HMGA2: variants seen among roughly 807,000 people sequenced by gnomAD.
HMGA2 encodes the protein high mobility group protein HMGI-C.
Under a neutral mutation model 19.1 loss-of-function variants are expected in HMGA2, and 8 were observed. The observed-to-expected ratio is 0.42, with a 90% CI of 0.25 to 0.76. HMGA2 has a LOEUF of 0.76. HMGA2 is among the 30% of genes least tolerant of loss of function. The probability of loss-of-function intolerance (pLI) is 0.28; values close to 1 mark genes in which losing one functional copy is unlikely to be tolerated. For synonymous variants in HMGA2, 60 were observed against 48.8 expected, an observed-to-expected ratio of 1.23 and a Z score of -0.96; for missense variants, 109 against 136.3, an observed-to-expected ratio of 0.80 and a Z score of 1.00.
At position 65,829,915 on chromosome 12, in the gene HMGA2, AT is replaced by A. The variant is rs1212912282; in HGVS notation, c.198+1831del. ...ATTTTTAGTGACTCTAGTGACAGGC[AT>A]TTGTAAATGACCCCCCTACGCCGCT... is the stretch of plus-strand genomic sequence containing the variant. On this transcript the variant is annotated intron_variant, in intron 2 of 4. Coordinates refer to ENST00000403681, the MANE Select transcript of HMGA2 (RefSeq NM_003483.6). 7.9e-5 allele frequency among the ~76,000 whole-genome samples: 12 copies of A among 151,930 alleles called. 1 individual carries two copies. The highest frequency in any genetic ancestry group is 6.6e-4 in the Admixed American group (10 of 15,260).
Position 65,831,530 on chromosome 12 carries a change from T to C in HMGA2, c.198+3443T>C, listed in dbSNP as rs17101800. 8.3e-4 allele frequency among the ~76,000 whole-genome samples: 126 copies of C among 152,002 alleles called. 1 individual carries two copies. Among genetic ancestry groups the C allele is most frequent in the Non-Finnish European group, 1.4e-3 (95 of 67,756 alleles). On this transcript the variant is annotated intron_variant, in intron 2 of 4. Transcript: ENST00000403681. The stretch of plus-strand genomic sequence containing the variant: ...TATTTGTTCACCACCCTTTTGACTT[T>C]AGGTGTAATGGACAGATCTAGGAAG...
intron 3 of HMGA2, among the ~76,000 whole-genome samples, chr12:65,904,331 A>C (rs1317147288): frequency 6.6e-6 from 1 of 152,244 alleles, no homozygotes; most frequent in African/African-American, 2.4e-5. Context: ...GCTGCAGAGC[A>C]ATTCATTTTT....
At chr12:65,918,370 G>A (rs368633848) in intron 3 of HMGA2, among the ~76,000 whole-genome samples, 2 of 152,302 alleles carry the variant, frequency 1.3e-5, no homozygotes, top group East Asian at 1.9e-4. Context: ...TGGTTAGAAA[G>A]GGGAGATGTG....
chr12:65,913,759 G>A (rs1874947232), intron 3 of HMGA2, among the ~76,000 whole-genome samples: 1 of 152,174 alleles, frequency 6.6e-6, no homozygotes, highest in African/African-American at 2.4e-5. Flanking sequence ...CATCTGTCAG[G>A]TGGGGTTCAT....
chr12:65,939,224 C>T (rs1171381366), intron 3 of HMGA2, among the ~76,000 whole-genome samples: 1 of 152,172 alleles, frequency 6.6e-6, no homozygotes, highest in African/African-American at 2.4e-5. Context: ...TTATGCTCTG[C>T]TCAATGTTTG....
chr12:65,827,584 A>C (rs1001877601), intron 1 of HMGA2, among the ~76,000 whole-genome samples: 2 of 152,204 alleles, frequency 1.3e-5, no homozygotes, highest in Non-Finnish European at 2.9e-5. Flanking sequence ...AATATCTGTG[A>C]TGGTAGCTTC....
chr12:65,912,986 C>T (rs1046623989), intron 3 of HMGA2, among the ~76,000 whole-genome samples: 6 of 152,178 alleles, frequency 3.9e-5, no homozygotes, highest in Admixed American at 3.9e-4. Flanking sequence ...CAGGACCACT[C>T]TTAAATTCTT....
chr12:65,841,029 TAGTACTTCGA>T (rs1870973084), intron 3 of HMGA2, among the ~76,000 whole-genome samples: 1 of 152,182 alleles, frequency 6.6e-6, no homozygotes, highest in Non-Finnish European at 1.5e-5. Flanking sequence ...CAGCCTGCCC[TAGTACTTCGA>T]AGTCATTCAG....
At chr12:65,940,463 G>C (rs1432939572) in intron 3 of HMGA2, among the ~76,000 whole-genome samples, 1 of 152,052 alleles carries the variant, frequency 6.6e-6, no homozygotes, top group African/African-American at 2.4e-5. Flanking sequence ...CTTTTAAATT[G>C]TTATATTAAA....
intron 3 of HMGA2, among the ~76,000 whole-genome samples, chr12:65,936,013 A>T (rs1875880444): frequency 6.6e-6 from 1 of 152,180 alleles, no homozygotes; most frequent in South Asian, 2.1e-4. Context: ...GCTACAGGGA[A>T]TTCTCATACA....
intron 3 of HMGA2, among the ~76,000 whole-genome samples, chr12:65,872,212 C>T (rs538638647): frequency 6.6e-6 from 1 of 152,300 alleles, no homozygotes; most frequent in Non-Finnish European, 1.5e-5. Context: ...CCAGGGGACA[C>T]TTCTCAGTCC....
chr12:65,906,285 G>T (rs191630540), intron 3 of HMGA2, among the ~76,000 whole-genome samples: 351 of 152,326 alleles, frequency 2.3e-3, no homozygotes, highest in Non-Finnish European at 4.1e-3. Flanking sequence ...TCCTTTGGAA[G>T]TCTTGTGGGA....
intron 2 of HMGA2, among the ~76,000 whole-genome samples, chr12:65,837,263 A>G (rs1247590225): frequency 1.3e-5 from 2 of 152,186 alleles, no homozygotes; most frequent in African/African-American, 4.8e-5. Context: ...TCAGGGAGAT[A>G]CTATTTGGTG....
rs60786450 is a variant in HMGA2 at position 65,824,713 on chromosome 12, T to TTCTCTC, written c.-507_-502dup. ...CCAAGGCACTTTCAATCTCAATCTC[T>TTCTCTC]TCTCTCTCTCTCTCTCTCTCTCTCT... On this transcript the variant is annotated 5_prime_UTR_variant, in exon 1 of 5. Coordinates refer to ENST00000403681, the MANE Select transcript of HMGA2 (RefSeq NM_003483.6). 1,329 of 144,170 alleles carry TTCTCTC rather than the reference T, an allele frequency of 9.2e-3. 15 individuals are homozygous for TTCTCTC. Among genetic ancestry groups the TTCTCTC allele is most frequent in the East Asian group, 0.022 (274 of 12,294 alleles). The allele number at this position is 144,170 out of a possible 1,614,324, so 8.9% of individuals were successfully genotyped here.
intron 3 of HMGA2, among the ~76,000 whole-genome samples, chr12:65,929,992 A>T (rs1272441140): frequency 2.0e-5 from 3 of 152,136 alleles, no homozygotes; most frequent in Non-Finnish European, 4.4e-5. Flanking sequence ...GGGGGAAACC[A>T]TGAAAGATAG....
At chr12:65,877,098 G>C (rs1278608992) in intron 3 of HMGA2, 1 of 152,188 alleles carries the variant, frequency 6.6e-6, no homozygotes, top group Non-Finnish European at 1.5e-5. Flanking sequence ...TCACATTCTT[G>C]CTTGGGCTTG....
intron 1 of HMGA2, chr12:65,827,022 T>C (rs1870242197): frequency 6.6e-6 from 1 of 152,218 alleles, no homozygotes; most frequent in Admixed American, 6.5e-5. Context: ...TTAGTCTCAC[T>C]TAATCACCGA....
chr12:65,846,193 C>T (rs1042871236), intron 3 of HMGA2, among the ~76,000 whole-genome samples: 1 of 152,158 alleles, frequency 6.6e-6, no homozygotes, highest in Non-Finnish European at 1.5e-5. Context: ...TTACAATAAA[C>T]GTGGTTTTAT....
Position 65,825,218 on chromosome 12 carries a change from G to A in HMGA2, c.-53G>A, listed in dbSNP as rs1870086551. ...CTCCCGAAAGGTGCTGGGCAGCTCCGGGGCGGTCGAGGCGAAGCGGCTGCA... is the reference window on the plus strand; with the variant it reads ...CTCCCGAAAGGTGCTGGGCAGCTCCAGGGCGGTCGAGGCGAAGCGGCTGCA... On this transcript the variant is annotated 5_prime_UTR_variant, in exon 1 of 5. Coordinates refer to ENST00000403681, the MANE Select transcript of HMGA2 (RefSeq NM_003483.6). This position sits in a 1 kb window ranked among gnomAD's most constrained non-coding sequence, Gnocchi z 4.4. 1.4e-6 allele frequency: 2 copies of A among 1,452,240 alleles called. No individual in the cohort carries two copies. The highest frequency in any genetic ancestry group is 2.6e-5 in the East Asian group (1 of 38,156). The allele number at this position is 1,452,240 out of a possible 1,614,324, so 90.0% of individuals were successfully genotyped here. A position where few individuals can be genotyped will look rare whatever the true frequency, so the allele number is the denominator to read the frequency against.
Sources: allele counts gnomAD v4.1 joint callset (sites outside exome capture counted in the v4.1 genomes callset), GRCh38; gene constraint gnomAD v4.1.1; non-coding constraint Gnocchi (gnomAD v3.1); transcripts MANE v1.5; gene names NCBI Gene and HGNC (gene_info 2026-07-23, HGNC 2026-07-21).